The following FRYL variants were observed in gnomAD, a reference collection of about 807,000 sequenced individuals.
FRYL encodes the protein FRY like transcription coactivator, also known as protein furry homolog-like.
In FRYL, 150 loss-of-function variants were observed where a neutral mutation model predicts 351.2. The ratio of observed to expected loss-of-function variants is 0.43; its 90% CI spans 0.37 to 0.49. FRYL has a LOEUF of 0.49. Among genes scored for constraint, FRYL ranks in the 20% least tolerant of loss-of-function variants. FRYL has a pLI of 0.00. For missense variants in FRYL, 3,036 were observed against 3,619.3 expected (o/e 0.84, Z 4.13); for synonymous variants, 1,153 against 1,257.1 (o/e 0.92, Z 1.75).
intron 7 of FRYL, among the ~76,000 whole-genome samples, chr4:48,612,258 A>C (rs1247644234): frequency 1.3e-5 from 2 of 152,100 alleles, no homozygotes; most frequent in African/African-American, 2.4e-5. Flanking sequence ...AAGTGTATTA[A>C]TTCTTGGATC....
At chr4:48,636,338 A>G (rs1410826073) in intron 3 of FRYL, among the ~76,000 whole-genome samples, 2 of 152,090 alleles carry the variant, frequency 1.3e-5, no homozygotes, top group Non-Finnish European at 2.9e-5. Context: ...GTTACAAACT[A>G]TATCTTTTCC....
intron 1 of FRYL, among the ~76,000 whole-genome samples, chr4:48,761,645 G>A (rs974919206): frequency 6.6e-6 from 1 of 151,854 alleles, no homozygotes; most frequent in African/African-American, 2.4e-5. Flanking sequence ...ACTTTTCTTT[G>A]TTTAGATACA....
intron 33 of FRYL, among the ~76,000 whole-genome samples, chr4:48,559,968 A>G (rs976364790): frequency 6.6e-6 from 1 of 152,146 alleles, no homozygotes; most frequent in Non-Finnish European, 1.5e-5. Context: ...AGGCTACAGA[A>G]AGGAAATTGA....
At chr4:48,608,524 T>G (rs1747335895) in intron 9 of FRYL, among the ~76,000 whole-genome samples, 1 of 152,186 alleles carries the variant, frequency 6.6e-6, no homozygotes, top group Non-Finnish European at 1.5e-5. Flanking sequence ...CAGTTTTAAT[T>G]GAGTAATCTA....
intron 1 of FRYL, among the ~76,000 whole-genome samples, chr4:48,746,484 G>C (rs1476840515): frequency 6.6e-6 from 1 of 151,498 alleles, no homozygotes; most frequent in Non-Finnish European, 1.5e-5. Flanking sequence ...GGCGGAGCTT[G>C]CAGTGAGCCG....
intron 9 of FRYL, among the ~76,000 whole-genome samples, chr4:48,607,997 T>A (rs1341733178): frequency 6.6e-6 from 1 of 152,212 alleles, no homozygotes; most frequent in Admixed American, 6.5e-5. Context: ...TCACTGCTCA[T>A]ATCTATGTTT....
chr4:48,694,149 A>C (rs146158139), intron 2 of FRYL, among the ~76,000 whole-genome samples: 16 of 152,292 alleles, frequency 1.1e-4, no homozygotes, highest in African/African-American at 3.6e-4. Context: ...AAAGAGATTA[A>C]GCTGCATATC....
At chr4:48,765,375 A>C (rs145935042) in intron 1 of FRYL, among the ~76,000 whole-genome samples, 1 of 152,344 alleles carries the variant, frequency 6.6e-6, no homozygotes, top group African/African-American at 2.4e-5. Flanking sequence ...AATTTTCAAC[A>C]AAGGTGCCAA....
In FRYL at chr4:48,701,710, C is replaced by G. The variant is rs140435032; in HGVS notation, c.-204+8809G>C. Among the ~76,000 whole-genome samples, 157 of 152,242 alleles carry G rather than the reference C, an allele frequency of 1.0e-3. 1 individual carries two copies. Among genetic ancestry groups the G allele is most frequent in the African/African-American group, 3.6e-3 (151 of 41,550 alleles). On this transcript the variant is annotated intron_variant, in intron 2 of 63. Transcript: ENST00000358350. ...ATTACATTTACTCTAGAAAGATACA[C>G]GCTAAGAAGTCAGCTAAGCGGACAA... is the stretch of plus-strand genomic sequence containing the variant.
At chr4:48,726,986 G>T (rs1229622180) in intron 1 of FRYL, among the ~76,000 whole-genome samples, 1 of 151,982 alleles carries the variant, frequency 6.6e-6, no homozygotes, top group African/African-American at 2.4e-5. Context: ...AATCTGACAG[G>T]GGCAGGTAGT....
intron 45 of FRYL, 34 bp from the exon 46 acceptor site, chr4:48,540,994 C>A: frequency 6.9e-7 from 1 of 1,458,246 alleles, no homozygotes; most frequent in Non-Finnish European, 9.1e-7. Flanking sequence ...GAATGCATAC[C>A]CAGTCACTTC....
intron 1 of FRYL, among the ~76,000 whole-genome samples, chr4:48,779,597 G>A (rs186732506): frequency 1.4e-4 from 21 of 152,146 alleles, no homozygotes; most frequent in South Asian, 6.2e-4. Context: ...CAGCCGAGGC[G>A]GCGGAGCCGT....
In FRYL at chr4:48,620,633, A is replaced by T; in HGVS notation, c.314+6T>A. 1 of 1,610,356 alleles carries T rather than the reference A, an allele frequency of 6.2e-7. No individual in the cohort carries two copies. The highest frequency in any genetic ancestry group is 8.5e-7 in the Non-Finnish European group (1 of 1,177,412). Reference sequence around the variant, plus strand: ...CAGGTGAAACAGTGTAAAATAAAGCACTTACCCCTTAGACTTTGTGCTAGA... The same window carrying T: ...CAGGTGAAACAGTGTAAAATAAAGCTCTTACCCCTTAGACTTTGTGCTAGA... On this transcript the variant is annotated splice_donor_region_variant and intron_variant, in intron 6 of 63. Coordinates refer to ENST00000358350, the MANE Select transcript of FRYL (RefSeq NM_015030.2).
At chr4:48,606,705 C>A in intron 9 of FRYL, 99 bp from the exon 10 acceptor site, 1 of 848,350 alleles carries the variant, frequency 1.2e-6, no homozygotes. Flanking sequence ...ACCTAAATAT[C>A]ATCTCCTTTC....
At chr4:48,668,238 G>A (rs1463142582) in intron 3 of FRYL, among the ~76,000 whole-genome samples, 1 of 152,098 alleles carries the variant, frequency 6.6e-6, no homozygotes, top group African/African-American at 2.4e-5. Flanking sequence ...TACAGAAAAG[G>A]TTTACTAACT....
At chr4:48,705,216 T>G (rs562722960) in intron 2 of FRYL, among the ~76,000 whole-genome samples, 2 of 152,032 alleles carry the variant, frequency 1.3e-5, no homozygotes, top group African/African-American at 4.8e-5. Flanking sequence ...ATAAAAAGAT[T>G]TATATATCCG....
At chr4:48,507,315 G>A (rs1721325740) in intron 59 of FRYL, among the ~76,000 whole-genome samples, 1 of 152,174 alleles carries the variant, frequency 6.6e-6, no homozygotes, top group Non-Finnish European at 1.5e-5. Flanking sequence ...ACAAGACATG[G>A]TAGTTTGTGC....
At chr4:48,653,912 AG>A in intron 3 of FRYL, 1 of 1,244,468 alleles carries the variant, frequency 8.0e-7, no homozygotes, top group Non-Finnish European at 1.0e-6. Flanking sequence ...CAGGCAGCAG[AG>A]TTTTGGCCCA....
At chr4:48,760,123 A>T (rs145888739) in intron 1 of FRYL, among the ~76,000 whole-genome samples, 241 of 152,042 alleles carry the variant, frequency 1.6e-3, no homozygotes, top group African/African-American at 5.7e-3. Context: ...CAGAACCAAG[A>T]TTCAGAGACT....
Sources: gnomAD v4.1 joint callset for allele counts (sites outside exome capture counted in the v4.1 genomes callset) on GRCh38, gnomAD v4.1.1 for gene constraint, MANE v1.5 for transcripts, NCBI Gene and HGNC (gene_info 2026-07-23, HGNC 2026-07-21) for gene names.